The following ZNF407 variants were observed in gnomAD, a reference collection of about 807,000 sequenced individuals.
ZNF407 encodes the protein zinc finger protein 407.
Under a neutral mutation model 131.2 loss-of-function variants are expected in ZNF407, and 17 were observed. That is an observed-to-expected ratio of 0.13 (90% CI 0.09 to 0.19). The LOEUF is 0.19. ZNF407 is among the 10% of genes least tolerant of loss of function. The pLI, the probability that ZNF407 is intolerant of heterozygous loss-of-function variation, is 1.00. For synonymous variants in ZNF407, 1,156 were observed against 1,062.0 expected, an observed-to-expected ratio of 1.09 and a Z score of -1.72; for missense variants, 2,681 against 2,830.6, an observed-to-expected ratio of 0.95 and a Z score of 1.20.
In ZNF407 at chr18:75,064,496, G is replaced by A. The variant is rs1973687464; in HGVS notation, c.*28G>A. On this transcript the variant is annotated 3_prime_UTR_variant, in exon 9 of 9. Coordinates refer to ENST00000299687, the MANE Select transcript of ZNF407 (RefSeq NM_017757.3). ...CGCGCGGCACCTTTACTCAGCACAG[G>A]GCAGGTGTGGGAAGGTCCAGCTTCG... 1.4e-6 allele frequency: 2 copies of A among 1,448,734 alleles called. No individual in the cohort carries two copies. Among genetic ancestry groups the A allele is most frequent in the Non-Finnish European group, 1.8e-6 (2 of 1,095,756 alleles). 89.7% of individuals were successfully genotyped at this position (1,448,734 alleles called of 1,614,324 possible).
chr18:74,880,940 T>G, intron 5 of ZNF407, 96 bp from the exon 6 acceptor site: 1 of 1,015,406 alleles, frequency 9.8e-7, no homozygotes, highest in Non-Finnish European at 1.5e-6. Context: ...CATGGAAACA[T>G]TTGATTGGAG....
At chr18:74,787,020 T>C (rs1311278967) in intron 4 of ZNF407, among the ~76,000 whole-genome samples, 2 of 151,962 alleles carry the variant, frequency 1.3e-5, no homozygotes, top group Non-Finnish European at 2.9e-5. Flanking sequence ...TTGGCCAGGC[T>C]GGTCTCAAAC....
At chr18:74,816,933 T>C (rs552136456) in intron 4 of ZNF407, among the ~76,000 whole-genome samples, 3 of 152,330 alleles carry the variant, frequency 2.0e-5, no homozygotes, top group South Asian at 2.1e-4. Flanking sequence ...AAGGATCTCA[T>C]TGATTCCCTC....
At chr18:74,791,377 C>A (rs1969822824) in intron 4 of ZNF407, among the ~76,000 whole-genome samples, 1 of 152,138 alleles carries the variant, frequency 6.6e-6, no homozygotes. Context: ...AGGGAAATAA[C>A]CCTTTCCATT....
rs150685225 is a variant in ZNF407 at position 74,962,970 on chromosome 18, A to G, written c.5428+42278A>G. Among the ~76,000 whole-genome samples the G allele has an allele frequency of 7.2e-5, 11 of 152,340 alleles. No homozygotes were observed. The East Asian group carries it at 2.1e-3, about 29-fold the overall frequency. On this transcript the variant is annotated intron_variant, in intron 8 of 8. Coordinates refer to ENST00000299687, the MANE Select transcript of ZNF407 (RefSeq NM_017757.3). ...AACAATAGATGCCTATCATTCTTGT[A>G]TACAAAGAGATTATCCTGCTCTGAC...
At chr18:74,924,044 A>G (rs1018200232) in intron 8 of ZNF407, among the ~76,000 whole-genome samples, 1 of 152,238 alleles carries the variant, frequency 6.6e-6, no homozygotes, top group African/African-American at 2.4e-5. Flanking sequence ...TACAAGCAGC[A>G]GTGTGAAGTA....
intron 3 of ZNF407, among the ~76,000 whole-genome samples, chr18:74,766,857 G>A (rs1969245392): frequency 6.6e-6 from 1 of 152,022 alleles, no homozygotes; most frequent in South Asian, 2.1e-4. Context: ...AGATGATAAG[G>A]GGACTAAAAC....
chr18:74,719,907 G>C (rs1433957524), intron 3 of ZNF407, among the ~76,000 whole-genome samples: 1 of 152,134 alleles, frequency 6.6e-6, no homozygotes, highest in Non-Finnish European at 1.5e-5. Flanking sequence ...TTCATCTGTT[G>C]TTGGGCACCT....
chr18:74,850,233 CT>C (rs1970762277), intron 4 of ZNF407, among the ~76,000 whole-genome samples: 1 of 152,146 alleles, frequency 6.6e-6, no homozygotes, highest in Non-Finnish European at 1.5e-5. Context: ...TGTTTTAAAT[CT>C]TTTAGTGAAA....
chr18:74,675,480 A>G (rs1986316781), intron 3 of ZNF407, among the ~76,000 whole-genome samples: 1 of 152,180 alleles, frequency 6.6e-6, no homozygotes, highest in African/African-American at 2.4e-5. Context: ...TATGTGTTCC[A>G]GATATTGGGA....
intron 8 of ZNF407, among the ~76,000 whole-genome samples, chr18:74,953,248 G>C (rs1304316830): frequency 6.6e-6 from 1 of 152,164 alleles, no homozygotes; most frequent in Non-Finnish European, 1.5e-5. Context: ...TTGCTTGAGA[G>C]CTGGGGTCCG....
intron 4 of ZNF407, among the ~76,000 whole-genome samples, chr18:74,810,644 G>A (rs1970180302): frequency 6.6e-6 from 1 of 152,094 alleles, no homozygotes; most frequent in African/African-American, 2.4e-5. Flanking sequence ...AGTTTTGAGA[G>A]TCCTTTTGTT....
intron 8 of ZNF407, among the ~76,000 whole-genome samples, chr18:75,039,333 C>T (rs1973345415): frequency 6.6e-6 from 1 of 152,210 alleles, no homozygotes; most frequent in South Asian, 2.1e-4. Context: ...CTGCTTACTT[C>T]ATTTAGTTAT....
rs558902241 is a variant in ZNF407, at chr18:74,938,630, A to G, written c.5428+17938A>G. Among the ~76,000 whole-genome samples the G allele has an allele frequency of 3.4e-4, 51 of 152,128 alleles. No individual in the cohort carries two copies. In the South Asian group the frequency reaches 9.8e-3, roughly 29 times the overall value. ...ATGCTGAATTTTTCTGTCCTTTTTA[A>G]TATTTAGGTTTTATTGGATGAATGT... On this transcript the variant is annotated intron_variant, in intron 8 of 8. Transcript: ENST00000299687.
At chr18:74,619,001 C>A (rs1175213074) in intron 1 of ZNF407, among the ~76,000 whole-genome samples, 4 of 152,094 alleles carry the variant, frequency 2.6e-5, no homozygotes, top group Non-Finnish European at 4.4e-5. Flanking sequence ...TGTCTTTTAT[C>A]CCCTGCAGTT....
intron 7 of ZNF407, among the ~76,000 whole-genome samples, chr18:74,915,369 T>C (rs923374700): frequency 4.5e-5 from 6 of 133,600 alleles, no homozygotes; most frequent in African/African-American, 1.8e-4. Context: ...TGTGCTGGTA[T>C]GGTGAGGTTG....
At chr18:74,628,051 G>C (rs1983881042) in intron 1 of ZNF407, among the ~76,000 whole-genome samples, 1 of 151,634 alleles carries the variant, frequency 6.6e-6, no homozygotes, top group Non-Finnish European at 1.5e-5. Flanking sequence ...ACAAACTAGA[G>C]GTTTCTAAAC....
chr18:74,644,798 T>C (rs1984891005), intron 3 of ZNF407, among the ~76,000 whole-genome samples: 1 of 151,944 alleles, frequency 6.6e-6, no homozygotes, highest in Non-Finnish European at 1.5e-5. Context: ...CTTTCTTCCT[T>C]TTAACTATTT....
At chr18:75,017,262 T>G (rs1307729367) in intron 8 of ZNF407, among the ~76,000 whole-genome samples, 5 of 152,158 alleles carry the variant, frequency 3.3e-5, no homozygotes, top group African/African-American at 1.2e-4. Flanking sequence ...CTCACATAAT[T>G]AAGTGGCTAT....
Sources: gnomAD v4.1 joint callset for allele counts (sites outside exome capture counted in the v4.1 genomes callset) on GRCh38, gnomAD v4.1.1 for gene constraint, MANE v1.5 for transcripts, NCBI Gene and HGNC (gene_info 2026-07-23, HGNC 2026-07-21) for gene names.